MCF2L2: variants seen among roughly 807,000 people sequenced by gnomAD.
The protein encoded by MCF2L2 is MCF.2 cell line derived transforming sequence-like 2.
MCF2L2 carries 102 observed loss-of-function variants against 150.2 expected under a neutral mutation model. The observed-to-expected ratio is 0.68, with a 90% CI of 0.58 to 0.80. The LOEUF is 0.80. Among genes scored for constraint, MCF2L2 ranks in the 30% least tolerant of loss-of-function variants. The pLI is 0.00. For synonymous variants in MCF2L2, 465 were observed against 491.3 expected (o/e 0.95, Z 0.71); for missense variants, 1,256 against 1,372.8 (o/e 0.91, Z 1.34).
At chr3:183,366,174 T>C (rs1390640355) in intron 3 of MCF2L2, among the ~76,000 whole-genome samples, 3 of 152,160 alleles carry the variant, frequency 2.0e-5, no homozygotes, top group Non-Finnish European at 4.4e-5. Context: ...AGTTTACCTA[T>C]AAAGAAATGA....
chr3:183,277,189 C>T lies in MCF2L2; in HGVS notation c.1777-232G>A, dbSNP rs147659541. 8.6e-3 allele frequency among the ~76,000 whole-genome samples: 1,310 copies of T among 152,104 alleles called. 23 individuals are homozygous for T. The highest frequency in any genetic ancestry group is 0.03 in the African/African-American group (1,249 of 41,490). ...AAAACTCCTTCCCAAAAGCAGGTAT[C>T]GGCCGGGCGTGGTGGCAGGCGCCTG... On this transcript the variant is annotated intron_variant, in intron 14 of 29. Transcript: ENST00000328913.
intron 3 of MCF2L2, chr3:183,378,021 G>GA (rs1387537176): frequency 6.6e-6 from 1 of 152,220 alleles, no homozygotes; most frequent in Admixed American, 6.5e-5. Flanking sequence ...ATGGGCAAAA[G>GA]AAAAAACTAA....
intron 15 of MCF2L2, among the ~76,000 whole-genome samples, chr3:183,234,567 A>G (rs1723717813): frequency 1.3e-5 from 2 of 152,170 alleles, no homozygotes; most frequent in South Asian, 4.1e-4. Context: ...TTCATTAAAT[A>G]CATTCAAATT....
At chr3:183,299,229 C>T (rs117504290) in intron 11 of MCF2L2, 1 of 152,442 alleles carries the variant, frequency 6.6e-6, no homozygotes, top group East Asian at 1.9e-4. Context: ...TCTGGCTTCC[C>T]CTGTGTGCAC....
chr3:183,281,150 G>C (rs1727453736), intron 14 of MCF2L2, among the ~76,000 whole-genome samples: 1 of 152,096 alleles, frequency 6.6e-6, no homozygotes, highest in Non-Finnish European at 1.5e-5. Flanking sequence ...TGTCAAGTAA[G>C]AATCAATAAT....
intron 1 of MCF2L2, among the ~76,000 whole-genome samples, chr3:183,405,215 G>A (rs879901184): frequency 5.9e-5 from 9 of 152,070 alleles, no homozygotes; most frequent in Non-Finnish European, 8.8e-5. Context: ...AGCTCAAAAG[G>A]TAACTGATTA....
At chr3:183,189,248 G>C (rs1333283274) in intron 27 of MCF2L2, among the ~76,000 whole-genome samples, 2 of 152,198 alleles carry the variant, frequency 1.3e-5, no homozygotes, top group Non-Finnish European at 2.9e-5. Flanking sequence ...CTAAGAGGAA[G>C]TGCACTAACT....
intron 4 of MCF2L2, among the ~76,000 whole-genome samples, chr3:183,339,932 A>G (rs1027673535): frequency 6.6e-6 from 1 of 152,196 alleles, no homozygotes; most frequent in Admixed American, 6.5e-5. Context: ...GATCAACGTA[A>G]TTCTGGGACA....
intron 15 of MCF2L2, among the ~76,000 whole-genome samples, chr3:183,238,278 G>A (rs1390340504): frequency 1.5e-5 from 2 of 136,076 alleles, no homozygotes; most frequent in East Asian, 2.1e-4. Flanking sequence ...ACCAGCTATC[G>A]TTAGTGTTAA....
At chr3:183,282,956 C>T (rs1267126206) in intron 14 of MCF2L2, among the ~76,000 whole-genome samples, 2 of 152,198 alleles carry the variant, frequency 1.3e-5, no homozygotes, top group African/African-American at 2.4e-5. Flanking sequence ...ATGAGACCCC[C>T]CACAACCTGG....
At chr3:183,375,850 C>T (rs1274940135) in intron 3 of MCF2L2, 2 of 152,166 alleles carry the variant, frequency 1.3e-5, no homozygotes, top group African/African-American at 2.4e-5. Context: ...CAAAAAGATG[C>T]AAATTGTGAT....
At chr3:183,188,222 C>T (rs890935682) in intron 27 of MCF2L2, among the ~76,000 whole-genome samples, 1 of 152,140 alleles carries the variant, frequency 6.6e-6, no homozygotes, top group African/African-American at 2.4e-5. Context: ...GATGACAAAG[C>T]ACAGCCAAGG....
chr3:183,346,232 C>T (rs190186181), intron 3 of MCF2L2, among the ~76,000 whole-genome samples: 2 of 152,116 alleles, frequency 1.3e-5, no homozygotes, highest in African/African-American at 4.8e-5. Context: ...ACGATCAAGT[C>T]GGCTTCATCC....
At chr3:183,210,975 A>G (rs1456752397) in intron 22 of MCF2L2, among the ~76,000 whole-genome samples, 1 of 152,152 alleles carries the variant, frequency 6.6e-6, no homozygotes, top group East Asian at 1.9e-4. Context: ...ACTGAAGAAA[A>G]CAGGAGGAAG....
chr3:183,371,063 C>T (rs1439203806), intron 3 of MCF2L2, among the ~76,000 whole-genome samples: 2 of 152,246 alleles, frequency 1.3e-5, no homozygotes, highest in Admixed American at 1.3e-4. Context: ...CACAGTTCCA[C>T]AGCCAGTCCA....
rs555655484 is a variant in MCF2L2 at position 183,340,907 on chromosome 3, C to T, written c.366+633G>A. 2.0e-5 allele frequency among the ~76,000 whole-genome samples: 3 copies of T among 152,334 alleles called. No individual in the cohort carries two copies. In the South Asian group the frequency reaches 6.2e-4, roughly 32 times the overall value. On this transcript the variant is annotated intron_variant, in intron 4 of 29. Transcript: ENST00000328913. Reference sequence around the variant, plus strand: ...GCAGTCAGCTGAGATTGCGCCACTGCACTCCAGCCTGGGCGACAGAGTGAG... The same window carrying T: ...GCAGTCAGCTGAGATTGCGCCACTGTACTCCAGCCTGGGCGACAGAGTGAG...
chr3:183,263,257 G>A (rs897991771), intron 15 of MCF2L2, among the ~76,000 whole-genome samples: 1 of 152,100 alleles, frequency 6.6e-6, no homozygotes, highest in African/African-American at 2.4e-5. Flanking sequence ...TGAGTGTGGT[G>A]TAAGTCTACT....
intron 1 of MCF2L2, among the ~76,000 whole-genome samples, chr3:183,405,130 T>C (rs1382603362): frequency 1.3e-5 from 2 of 152,162 alleles, no homozygotes; most frequent in African/African-American, 4.8e-5. Flanking sequence ...ATATGTATTA[T>C]ACATATAAAG....
At chr3:183,200,190 G>A (rs1206207857) in intron 25 of MCF2L2, among the ~76,000 whole-genome samples, 2 of 152,172 alleles carry the variant, frequency 1.3e-5, no homozygotes, top group African/African-American at 2.4e-5. Context: ...AGATCTTTGA[G>A]GAATCGCCAC....
Sources: allele counts gnomAD v4.1 joint callset (sites outside exome capture counted in the v4.1 genomes callset), GRCh38; gene constraint gnomAD v4.1.1; transcripts MANE v1.5; gene names NCBI Gene and HGNC (gene_info 2026-07-23, HGNC 2026-07-21).